ZNF577: variants seen among roughly 807,000 people sequenced by gnomAD.
ZNF577 encodes zinc finger protein 577.
A neutral mutation model predicts 13.9 loss-of-function variants in ZNF577; 14 were observed. That is an observed-to-expected ratio of 1.00 (90% CI 0.66 to 1.57). The LOEUF is 1.57. Among genes scored for constraint, ZNF577 ranks in the 40% most tolerant of loss-of-function variants. The pLI is 0.00. For synonymous variants in ZNF577, 203 were observed against 202.9 expected, an observed-to-expected ratio of 1.00 and a Z score of 0.00; for missense variants, 555 against 579.2, an observed-to-expected ratio of 0.96 and a Z score of 0.43.
chr19:51,814,584 G>C (rs190332797), intron 9 of ZNF577, among the ~76,000 whole-genome samples: 2 of 150,428 alleles, frequency 1.3e-5, no homozygotes, highest in Non-Finnish European at 3.0e-5. Flanking sequence ...ACCTCCATCT[G>C]CTGGGTTCAA....
At chr19:51,819,428 A>G (rs111299211) in intron 9 of ZNF577, among the ~76,000 whole-genome samples, 3 of 152,354 alleles carry the variant, frequency 2.0e-5, no homozygotes, top group African/African-American at 7.2e-5. Context: ...GACTGAAAAG[A>G]GGTGGCCAAT....
chr19:51,820,441 C>T (rs1273149670), intron 9 of ZNF577, among the ~76,000 whole-genome samples: 1 of 152,196 alleles, frequency 6.6e-6, no homozygotes, highest in Non-Finnish European at 1.5e-5. Context: ...CACCAAATAG[C>T]AGCCCTCATA....
At chr19:51,815,957 C>T (rs1344097401) in intron 9 of ZNF577, among the ~76,000 whole-genome samples, 2 of 151,904 alleles carry the variant, frequency 1.3e-5, no homozygotes, top group East Asian at 1.9e-4. Flanking sequence ...GTCCCAGCAA[C>T]TCAGGAGGCT....
chr19:51,816,198 T>G (rs1407201605), intron 9 of ZNF577, among the ~76,000 whole-genome samples: 2 of 152,202 alleles, frequency 1.3e-5, no homozygotes, highest in African/African-American at 2.4e-5. Flanking sequence ...ACCTCTCCCT[T>G]GCTATATACT....
At chr19:51,843,015 C>A (rs1408111997) in intron 7 of ZNF577, 1 of 152,126 alleles carries the variant, frequency 6.6e-6, no homozygotes, top group African/African-American at 2.4e-5. Context: ...GAACAGAAAC[C>A]TTTCATTTGG....
At position 51,868,661 on chromosome 19, in the gene ZNF577, T is replaced by C. The variant is rs1246998716; in HGVS notation, c.*3871A>G. On this transcript the variant is annotated 3_prime_UTR_variant, in exon 6 of 6. Coordinates refer to ENST00000638348, the MANE Select transcript of ZNF577 (RefSeq NM_001370449.1). ...AAGCACCGGCTAAGGTTCTGACTAC[T>C]ACCGTCTTCAACTGCCTTGAACACC... 6.6e-6 allele frequency among the ~76,000 whole-genome samples: 1 copy of C among 152,170 alleles called. No homozygotes were observed. The highest frequency in any genetic ancestry group is 1.5e-5 in the Non-Finnish European group (1 of 68,038).
rs76930578 is a variant in ZNF577 at position 51,868,703 on chromosome 19, A to G, written c.*3829T>C. ...TTGAACACCCAGATAGAATTCACTC[A>G]TGTGTGTGGGGGAAAGAAAGATAGA... On this transcript the variant is annotated 3_prime_UTR_variant, in exon 6 of 6. Coordinates refer to ENST00000638348, the MANE Select transcript of ZNF577 (RefSeq NM_001370449.1). Among the ~76,000 whole-genome samples the G allele has an allele frequency of 8.5e-6, 1 of 117,538 alleles. No individual in the cohort carries two copies. The highest frequency in any genetic ancestry group is 2.8e-4 in the South Asian group (1 of 3,512). 77.1% of individuals were successfully genotyped at this position (117,538 alleles called of 152,430 possible).
chr19:51,847,964 C>G (rs138581441), intron 5 of ZNF577, among the ~76,000 whole-genome samples: 1 of 152,310 alleles, frequency 6.6e-6, no homozygotes, highest in African/African-American at 2.4e-5. Flanking sequence ...CCCGGTCCCA[C>G]CAGGAATGAT....
intron 5 of ZNF577, among the ~76,000 whole-genome samples, chr19:51,875,894 A>G (rs1032830627): frequency 2.6e-5 from 4 of 152,254 alleles, no homozygotes; most frequent in African/African-American, 9.6e-5. Context: ...GAGTGTTCAA[A>G]ACAATAAAAA....
intron 9 of ZNF577, among the ~76,000 whole-genome samples, chr19:51,839,347 T>C (rs2084306626): frequency 6.6e-6 from 1 of 152,124 alleles, no homozygotes; most frequent in Admixed American, 6.5e-5. Flanking sequence ...TAAGCTATGA[T>C]CACCCCTCTG....
chr19:51,844,334 T>C (rs1186690275), intron 6 of ZNF577, among the ~76,000 whole-genome samples: 1 of 152,162 alleles, frequency 6.6e-6, no homozygotes, highest in African/African-American at 2.4e-5. Flanking sequence ...TGGGTCCATA[T>C]GCTGGCACAC....
At chr19:51,864,930 C>T (rs1239858250), downstream of ZNF577, among the ~76,000 whole-genome samples, 6 of 152,150 alleles carry the variant, frequency 3.9e-5, no homozygotes, top group Admixed American at 3.3e-4. Context: ...CACGCTCAAA[C>T]AATAAGTACC....
At chr19:51,865,394 C>A (rs201635317), downstream of ZNF577, among the ~76,000 whole-genome samples, 16 of 85,840 alleles carry the variant, frequency 1.9e-4, no homozygotes, top group African/African-American at 1.2e-3. Flanking sequence ...ACCATGCCCG[C>A]GCCTTCCCAA....
intron 10 of ZNF577, among the ~76,000 whole-genome samples, chr19:51,808,259 C>T (rs974352221): frequency 4.6e-5 from 7 of 152,180 alleles, no homozygotes; most frequent in Non-Finnish European, 7.3e-5. Flanking sequence ...AAGTCTATAA[C>T]CTGTCTTTAT....
intron 9 of ZNF577, among the ~76,000 whole-genome samples, chr19:51,831,638 G>A (rs1459152871): frequency 6.6e-6 from 1 of 151,730 alleles, no homozygotes; most frequent in Non-Finnish European, 1.5e-5. Flanking sequence ...ATATAAACAT[G>A]ATCGTGCCCA....
chr19:51,856,275 G>A (rs570608307), intron 5 of ZNF577, among the ~76,000 whole-genome samples: 36 of 152,246 alleles, frequency 2.4e-4, no homozygotes, highest in South Asian at 1.9e-3. Context: ...ATGATTAAAT[G>A]GTTTACCATG....
chr19:51,825,118 C>A, intron 9 of ZNF577: 1 of 281,940 alleles, frequency 3.5e-6, no homozygotes, highest in Non-Finnish European at 7.1e-6. Context: ...TCTGAAACTT[C>A]GGACCAACCA....
chr19:51,878,497 C>T lies in ZNF577; in HGVS notation c.79G>A (p.Asp27Asn). Residue 27 changes from aspartate to asparagine, a missense_variant, in exon 4 of 6, where the codon GAT becomes AAT. Transcript: ENST00000638348. The part of the protein sequence containing the change: ...SSGEGSLSFE[D>N]VAVGFTREEW... ...TCCCTGGTGAAGCCCACAGCCACAT[C>T]TTCGAATGACAATGACCCCTATAAT... is the stretch of plus-strand genomic sequence containing the variant. 1 of 1,614,116 alleles carries T rather than the reference C, an allele frequency of 6.2e-7. No individual in the cohort carries two copies. Among genetic ancestry groups the T allele is most frequent in the Non-Finnish European group, 8.5e-7 (1 of 1,179,980 alleles).
At chr19:51,833,599 G>A (rs2084272516) in intron 9 of ZNF577, among the ~76,000 whole-genome samples, 2 of 152,122 alleles carry the variant, frequency 1.3e-5, no homozygotes, top group South Asian at 4.1e-4. Context: ...TACCAAATGA[G>A]AGAAAAATCA....
Sources: allele counts gnomAD v4.1 joint callset (sites outside exome capture counted in the v4.1 genomes callset), GRCh38; gene constraint gnomAD v4.1.1; transcripts MANE v1.5; gene names NCBI Gene and HGNC (gene_info 2026-07-23, HGNC 2026-07-21).